The following EAF2 variants were observed in gnomAD, a reference collection of about 807,000 sequenced individuals.
The protein encoded by EAF2 is ELL associated factor 2.
In EAF2, 29 loss-of-function variants were observed where a neutral mutation model predicts 29.4. The ratio of observed to expected loss-of-function variants is 0.99; its 90% CI spans 0.73 to 1.35. EAF2 has a LOEUF of 1.35. Ranked by LOEUF, EAF2 falls within the 40% of genes most tolerant of loss-of-function variation. EAF2 has a pLI of 0.00. For missense variants in EAF2, 292 were observed against 312.0 expected, an observed-to-expected ratio of 0.94 and a Z score of 0.48; for synonymous variants, 103 against 102.5, an observed-to-expected ratio of 1.00 and a Z score of -0.03.
intron 1 of EAF2, among the ~76,000 whole-genome samples, chr3:121,843,746 G>A (rs906443137): frequency 1.3e-5 from 2 of 151,980 alleles, no homozygotes; most frequent in African/African-American, 4.8e-5. Context: ...TAATGGCATC[G>A]TTTGAACTAT....
chr3:121,845,459 A>AAAAAAAG (rs71133578), intron 2 of EAF2, among the ~76,000 whole-genome samples: 2,241 of 96,416 alleles, frequency 0.023, 138 homozygotes, highest in Non-Finnish European at 0.03. Flanking sequence ...AAAAAAAAAA[A>AAAAAAAG]AAAGAAAGAA....
intron 5 of EAF2, chr3:121,873,007 C>G (rs749149426): frequency 4.3e-5 from 33 of 766,890 alleles, no homozygotes; most frequent in Non-Finnish European, 7.0e-5. Flanking sequence ...TCCTCTCACT[C>G]CTTTTCAAGT....
At chr3:121,841,530 AAAAAAAAAAAAAAG>A (rs1559816493) in intron 1 of EAF2, among the ~76,000 whole-genome samples, 36 of 30,618 alleles carry the variant, frequency 1.2e-3, no homozygotes, top group East Asian at 1.4e-3. Flanking sequence ...AAAAAAAAAA[AAAAAAAAAAAAAAG>A]AAAGAAAGAA....
At chr3:121,881,565 A>G (rs1053554493) in intron 5 of EAF2, among the ~76,000 whole-genome samples, 6 of 152,096 alleles carry the variant, frequency 3.9e-5, no homozygotes, top group African/African-American at 1.4e-4. Context: ...GCTGGAGTCC[A>G]GTGGCACAAT....
intron 5 of EAF2, among the ~76,000 whole-genome samples, chr3:121,882,324 G>A (rs535360528): frequency 9.6e-5 from 14 of 145,308 alleles, no homozygotes; most frequent in African/African-American, 3.6e-4. Context: ...ACTCCAGCCT[G>A]AGGGACAGAG....
At chr3:121,861,651 G>C (rs938112466) in intron 4 of EAF2, among the ~76,000 whole-genome samples, 1 of 152,120 alleles carries the variant, frequency 6.6e-6, no homozygotes, top group African/African-American at 2.4e-5. Flanking sequence ...CTTTTAATTG[G>C]AGCATTTAGC....
chr3:121,870,522 C>T (rs1313948930), intron 4 of EAF2, among the ~76,000 whole-genome samples: 2 of 152,074 alleles, frequency 1.3e-5, no homozygotes, highest in Admixed American at 6.6e-5. Flanking sequence ...GAGAAGGTTA[C>T]ACTTAAACCG....
At position 121,880,464 on chromosome 3, in the gene EAF2, G is replaced by A. The variant is rs1000739288; in HGVS notation, c.737-5878G>A. On this transcript the variant is annotated intron_variant, in intron 5 of 5. Coordinates refer to ENST00000273668, the MANE Select transcript of EAF2 (RefSeq NM_018456.6). ...GACCTTAGTGTTTTGGGGTGTGTGT[G>A]TGTGTGTGTGTGTGTGTGTGTGTGT... Among the ~76,000 whole-genome samples, 138 of 146,478 alleles carry A rather than the reference G, an allele frequency of 9.4e-4. 1 individual carries two copies. The highest frequency in any genetic ancestry group is 3.4e-3 in the African/African-American group (126 of 37,432).
intron 5 of EAF2, among the ~76,000 whole-genome samples, chr3:121,885,542 A>G (rs920386409): frequency 1.3e-5 from 2 of 152,154 alleles, no homozygotes. Flanking sequence ...CTCATTTACT[A>G]CTGTTATCTT....
chr3:121,858,068 A>T (rs1167908776), intron 4 of EAF2, among the ~76,000 whole-genome samples: 3 of 152,096 alleles, frequency 2.0e-5, no homozygotes, highest in Admixed American at 1.3e-4. Context: ...CCAGTCTATC[A>T]TTGTTGGACA....
At chr3:121,843,909 A>G (rs976881051) in intron 1 of EAF2, among the ~76,000 whole-genome samples, 1 of 152,142 alleles carries the variant, frequency 6.6e-6, no homozygotes, top group Non-Finnish European at 1.5e-5. Context: ...TATGTACTGT[A>G]TTTGCTATGT....
At chr3:121,856,765 G>A (rs1031195041) in intron 3 of EAF2, among the ~76,000 whole-genome samples, 2 of 152,198 alleles carry the variant, frequency 1.3e-5, no homozygotes, top group African/African-American at 4.8e-5. Flanking sequence ...ACAGGCATGA[G>A]GCGCCAAGCC....
intron 5 of EAF2, among the ~76,000 whole-genome samples, chr3:121,875,316 T>C (rs1332679715): frequency 6.6e-6 from 1 of 151,888 alleles, no homozygotes; most frequent in Non-Finnish European, 1.5e-5. Context: ...GGCTACTGTG[T>C]TTTAGAAGGT....
chr3:121,870,351 T>C (rs1222045342), intron 4 of EAF2, among the ~76,000 whole-genome samples: 2 of 152,180 alleles, frequency 1.3e-5, no homozygotes, highest in African/African-American at 4.8e-5. Context: ...AACATTGCTA[T>C]TCTCACATTT....
chr3:121,851,068 A>G (rs1708624389), intron 2 of EAF2, among the ~76,000 whole-genome samples: 1 of 152,062 alleles, frequency 6.6e-6, no homozygotes, highest in Non-Finnish European at 1.5e-5. Context: ...CACTTCTTTT[A>G]TTTATATTTA....
chr3:121,857,153 A>G lies in EAF2; in HGVS notation c.481A>G (p.Arg161Gly). 1.9e-6 allele frequency: 3 copies of G among 1,608,456 alleles called. No homozygotes were observed. The South Asian group carries it at 3.3e-5, about 18-fold the overall frequency. Residue 161 changes from arginine (R) to glycine (G), a missense_variant, in exon 4 of 6, where the codon AGA (arginine) becomes GGA (glycine). Transcript: ENST00000273668. ...AGCATCTCCAATAGATGATATCGAA[A>G]GAGGTAAAATCTAAGTATATGTAAC... ...SPASPIDDIE[R>G]ELKAEASLMD...
At chr3:121,857,655 A>G (rs763283703) in intron 4 of EAF2, among the ~76,000 whole-genome samples, 11 of 152,270 alleles carry the variant, frequency 7.2e-5, no homozygotes, top group South Asian at 2.1e-4. Context: ...CAATATCCAT[A>G]TAAGAGAATT....
chr3:121,871,444 A>G (rs968135924), intron 4 of EAF2, among the ~76,000 whole-genome samples: 8 of 152,072 alleles, frequency 5.3e-5, no homozygotes, highest in Non-Finnish European at 8.8e-5. Flanking sequence ...TGGTAGATAT[A>G]CAGGTTTTAT....
At chr3:121,864,271 T>A (rs1170197315) in intron 4 of EAF2, among the ~76,000 whole-genome samples, 3 of 152,144 alleles carry the variant, frequency 2.0e-5, no homozygotes, top group African/African-American at 7.2e-5. Context: ...GCTGTCCAAT[T>A]TCAGTGTTCC....
Sources: gnomAD v4.1 joint callset for allele counts (sites outside exome capture counted in the v4.1 genomes callset) on GRCh38, gnomAD v4.1.1 for gene constraint, MANE v1.5 for transcripts, NCBI Gene and HGNC (gene_info 2026-07-23, HGNC 2026-07-21) for gene names.